The following PPP1R11 variants were observed in gnomAD, a reference collection of about 807,000 sequenced individuals.
The protein encoded by PPP1R11 is E3 ubiquitin-protein ligase PPP1R11.
PPP1R11 carries 10 observed loss-of-function variants against 11.3 expected under a neutral mutation model. The ratio of observed to expected loss-of-function variants is 0.88; its 90% confidence interval spans 0.55 to 1.50. PPP1R11 has a LOEUF of 1.50. Among genes scored for constraint, PPP1R11 ranks in the 40% most tolerant of loss-of-function variants. The pLI is 0.00. For synonymous variants in PPP1R11, 56 were observed against 62.3 expected (o/e 0.90, Z 0.48); for missense variants, 114 against 179.1 (o/e 0.64, Z 2.07).
At position 30,069,033 on chromosome 6, in the gene PPP1R11, G is replaced by T. The variant is rs1765735873; in HGVS notation, c.179-71G>T. ...GAAAATAGGAATTTTCACTGAGTTT[G>T]AGTGGGAATGGAACTGACTATATAT... is the stretch of plus-strand genomic sequence containing the variant. On this transcript the variant is annotated intron_variant, in intron 2 of 2. Coordinates refer to ENST00000376772, the MANE Select transcript of PPP1R11 (RefSeq NM_021959.3). This position sits in a 1 kb window ranked among gnomAD's most constrained non-coding sequence, Gnocchi z 6.6. 1 of 1,432,384 alleles carries T rather than the reference G, an allele frequency of 7.0e-7. No individual in the cohort carries two copies. The highest frequency in any genetic ancestry group is 9.7e-7 in the Non-Finnish European group (1 of 1,027,246). The allele number at this position is 1,432,384 out of a possible 1,614,324, so 88.7% of individuals were successfully genotyped here. A position where few individuals can be genotyped will look rare whatever the true frequency, so the allele number is the denominator to read the frequency against.
chr6:30,069,019 T>A lies in PPP1R11; in HGVS notation c.179-85T>A. On this transcript the variant is annotated intron_variant, in intron 2 of 2. Transcript: ENST00000376772. The surrounding 1 kb of genome is among the most constrained non-coding windows in gnomAD (Gnocchi z 6.6). Reference sequence around the variant, plus strand: ...CCTGGAAGGTAGGAGAAAATAGGAATTTTCACTGAGTTTGAGTGGGAATGG... The same window carrying A: ...CCTGGAAGGTAGGAGAAAATAGGAAATTTCACTGAGTTTGAGTGGGAATGG... 5 of 1,380,394 alleles carry A rather than the reference T, an allele frequency of 3.6e-6. No homozygotes were observed. Among genetic ancestry groups the A allele is most frequent in the Non-Finnish European group, 5.1e-6 (5 of 989,600 alleles). 85.5% of individuals were successfully genotyped at this position (1,380,394 alleles called of 1,614,324 possible).
At chr6:30,066,659 A>G (rs1042996990), upstream of PPP1R11, 2 of 152,250 alleles carry the variant, frequency 1.3e-5, no homozygotes, top group Non-Finnish European at 2.9e-5. Context: ...TAGCACAGTG[A>G]CTGAAAAAAA....
upstream of PPP1R11, among the ~76,000 whole-genome samples, chr6:30,065,440 C>A (rs375260910): frequency 1.3e-5 from 2 of 152,080 alleles, no homozygotes; most frequent in East Asian, 1.9e-4. The surrounding 1 kb of genome is among the most constrained non-coding windows in gnomAD (Gnocchi z 5.3). Flanking sequence ...AATATATTTT[C>A]TTTTCCTTAT....
Position 30,067,370 on chromosome 6 carries a change from C to T in PPP1R11, c.-41C>T. ...GCGACAGAAAAAGGGAAGGGTGTCT[C>T]ATCCCCCTTCCTCCTCTCCTCCCTG... is the stretch of plus-strand genomic sequence containing the variant. On this transcript the variant is annotated 5_prime_UTR_variant, in exon 1 of 3. Transcript: ENST00000376772. The T allele has an allele frequency of 1.3e-6, 2 of 1,574,448 alleles. No individual in the cohort carries two copies. Among genetic ancestry groups the T allele is most frequent in the Admixed American group, 1.7e-5 (1 of 59,772 alleles).
upstream of PPP1R11, chr6:30,061,854 G>A (rs1765102371): frequency 6.3e-7 from 1 of 1,582,318 alleles, no homozygotes; most frequent in African/African-American, 1.3e-5. The surrounding 1 kb of genome is among the most constrained non-coding windows in gnomAD (Gnocchi z 5.0). Flanking sequence ...AGGGGAAAGG[G>A]GAGGTTTCCG....
chr6:30,062,582 G>A (rs1326612435), upstream of PPP1R11, among the ~76,000 whole-genome samples: 12 of 111,670 alleles, frequency 1.1e-4, no homozygotes, highest in East Asian at 1.1e-3. Context: ...ACAGGGTGTC[G>A]CTCTGTCACC....
At chr6:30,061,482 C>A in the PPP1R11 span, 1 of 1,607,270 alleles carries the variant, frequency 6.2e-7, no homozygotes. This position sits in a 1 kb window ranked among gnomAD's most constrained non-coding sequence, Gnocchi z 5.0. Context: ...ACTCTTCTCT[C>A]TTTTGTTAAT....
Position 30,067,379 on chromosome 6 carries a change from T to A in PPP1R11, c.-32T>A. On this transcript the variant is annotated 5_prime_UTR_variant, in exon 1 of 3. Coordinates refer to ENST00000376772, the MANE Select transcript of PPP1R11 (RefSeq NM_021959.3). The stretch of plus-strand genomic sequence containing the variant: ...AAAGGGAAGGGTGTCTCATCCCCCT[T>A]CCTCCTCTCCTCCCTGTCCTGAGCC... The A allele has an allele frequency of 1.9e-6, 3 of 1,603,434 alleles. No individual in the cohort carries two copies. Among genetic ancestry groups the A allele is most frequent in the Non-Finnish European group, 2.6e-6 (3 of 1,170,768 alleles).
upstream of PPP1R11, chr6:30,064,913 G>A (rs1765385863): frequency 2.4e-6 from 1 of 412,704 alleles, no homozygotes; most frequent in East Asian, 3.6e-5. Flanking sequence ...CCTGACATAT[G>A]TATGTTACTT....
upstream of PPP1R11, chr6:30,064,658 T>G (rs1246869893): frequency 6.2e-7 from 1 of 1,606,668 alleles, no homozygotes; most frequent in Non-Finnish European, 8.5e-7. Context: ...TAACAAGTCC[T>G]TTCTTTCCTC....
In PPP1R11 at chr6:30,069,033, G is replaced by C; in HGVS notation, c.179-71G>C. 1.4e-6 allele frequency: 2 copies of C among 1,432,384 alleles called. No individual in the cohort carries two copies. The highest frequency in any genetic ancestry group is 1.9e-6 in the Non-Finnish European group (2 of 1,027,246). The allele number at this position is 1,432,384 out of a possible 1,614,324, so 88.7% of individuals were successfully genotyped here. A position where few individuals can be genotyped will look rare whatever the true frequency, so the allele number is the denominator to read the frequency against. ...GAAAATAGGAATTTTCACTGAGTTTGAGTGGGAATGGAACTGACTATATAT... is the reference window on the plus strand; with the variant it reads ...GAAAATAGGAATTTTCACTGAGTTTCAGTGGGAATGGAACTGACTATATAT... On this transcript the variant is annotated intron_variant, in intron 2 of 2. Transcript: ENST00000376772. The surrounding 1 kb of genome is among the most constrained non-coding windows in gnomAD (Gnocchi z 6.6).
At position 30,069,059 on chromosome 6, in the gene PPP1R11, C is replaced by T; in HGVS notation, c.179-45C>T. 6.6e-7 allele frequency: 1 copy of T among 1,511,898 alleles called. No homozygotes were observed. Among genetic ancestry groups the T allele is most frequent in the Non-Finnish European group, 9.2e-7 (1 of 1,090,566 alleles). The allele number at this position is 1,511,898 out of a possible 1,614,324, so 93.7% of individuals were successfully genotyped here. Reference sequence around the variant, plus strand: ...AGTGGGAATGGAACTGACTATATATCTTACCCTTCCTCCTCTTTAACTGGG... The same window carrying T: ...AGTGGGAATGGAACTGACTATATATTTTACCCTTCCTCCTCTTTAACTGGG... On this transcript the variant is annotated intron_variant, in intron 2 of 2. Transcript: ENST00000376772. The surrounding 1 kb of genome is among the most constrained non-coding windows in gnomAD (Gnocchi z 6.6).
chr6:30,062,714 C>CCTTTTTTTTT (rs749507630), upstream of PPP1R11, among the ~76,000 whole-genome samples: 206 of 42,394 alleles, frequency 4.9e-3, 19 homozygotes, highest in South Asian at 0.016. Context: ...CCACGCCTGG[C>CCTTTTTTTTT]TTTTTTTTTT....
chr6:30,064,620 C>T, upstream of PPP1R11: 1 of 1,532,652 alleles, frequency 6.5e-7, no homozygotes, highest in Non-Finnish European at 8.9e-7. Context: ...TTATCTTATA[C>T]TACTAGAAAC....
In PPP1R11 at chr6:30,067,358, G is replaced by A. The variant is rs1765614457; in HGVS notation, c.-53G>A. 1.9e-6 allele frequency: 3 copies of A among 1,552,668 alleles called. No homozygotes were observed. Among genetic ancestry groups the A allele is most frequent in the East Asian group, 4.5e-5 (2 of 44,290 alleles). On this transcript the variant is annotated 5_prime_UTR_variant, in exon 1 of 3. Transcript: ENST00000376772. ...TCTTAGACCTCAGCGACAGAAAAAG[G>A]GAAGGGTGTCTCATCCCCCTTCCTC...
chr6:30,067,365 T>C lies in PPP1R11; in HGVS notation c.-46T>C. On this transcript the variant is annotated 5_prime_UTR_variant, in exon 1 of 3. Coordinates refer to ENST00000376772, the MANE Select transcript of PPP1R11 (RefSeq NM_021959.3). ...CCTCAGCGACAGAAAAAGGGAAGGG[T>C]GTCTCATCCCCCTTCCTCCTCTCCT... The C allele has an allele frequency of 1.3e-6, 2 of 1,547,852 alleles. No individual in the cohort carries two copies. Among genetic ancestry groups the C allele is most frequent in the Non-Finnish European group, 1.8e-6 (2 of 1,120,830 alleles).
upstream of PPP1R11, among the ~76,000 whole-genome samples, chr6:30,064,175 T>C (rs549003960): frequency 2.0e-5 from 3 of 152,306 alleles, no homozygotes; most frequent in East Asian, 5.8e-4. Flanking sequence ...TACAGAACTT[T>C]TAACCAGTGT....
At chr6:30,061,547 A>G in the PPP1R11 span, 3 of 1,612,978 alleles carry the variant, frequency 1.9e-6, no homozygotes, top group African/African-American at 1.3e-5. This position sits in a 1 kb window ranked among gnomAD's most constrained non-coding sequence, Gnocchi z 5.0. Context: ...GACCTCGCCA[A>G]TACTTGCTCC....
upstream of PPP1R11, chr6:30,062,204 A>G: frequency 1.3e-6 from 2 of 1,598,956 alleles, no homozygotes; most frequent in Non-Finnish European, 1.7e-6. Flanking sequence ...GGCCTCCCTA[A>G]CCCACCAGTT....
Sources: gnomAD v4.1 joint callset for allele counts (sites outside exome capture counted in the v4.1 genomes callset) on GRCh38, gnomAD v4.1.1 for gene constraint, Gnocchi (gnomAD v3.1) non-coding constraint, MANE v1.5 for transcripts, NCBI Gene and HGNC (gene_info 2026-07-23, HGNC 2026-07-21) for gene names.